The following ESRRG variants were observed in gnomAD, a reference collection of about 807,000 sequenced individuals.
ESRRG encodes estrogen-related receptor gamma.
ESRRG carries 13 observed loss-of-function variants against 44.0 expected under a neutral mutation model. That is an observed-to-expected ratio of 0.30 (90% confidence interval 0.19 to 0.47). The LOEUF is 0.47. ESRRG is among the 20% of genes least tolerant of loss of function. ESRRG has a pLI of 1.00. For missense variants in ESRRG, 395 were observed against 580.6 expected, an observed-to-expected ratio of 0.68 and a Z score of 3.29; for synonymous variants, 215 against 214.6, an observed-to-expected ratio of 1.00 and a Z score of -0.02.
In ESRRG at chr1:216,648,097, A is replaced by T. The variant is rs1293876790; in HGVS notation, c.589+2876T>A. Among the ~76,000 whole-genome samples, 3 of 152,182 alleles carry T rather than the reference A, an allele frequency of 2.0e-5. No homozygotes were observed. The East Asian group carries it at 5.8e-4, about 29-fold the overall frequency. On this transcript the variant is annotated intron_variant, in intron 3 of 6. Transcript: ENST00000408911. ...TACATCATGTTCTCTGACATACTTC[A>T]TGGGACTGAAATCCCTCTCCATCCA... is the stretch of plus-strand genomic sequence containing the variant.
intron 1 of ESRRG, chr1:216,707,537 T>C: frequency 6.7e-7 from 1 of 1,497,628 alleles, no homozygotes; most frequent in Admixed American, 2.1e-5. Flanking sequence ...TTTGCTGAAG[T>C]TTTATGTAAA....
chr1:216,995,354 C>A (rs551776809), intron 1 of ESRRG, among the ~76,000 whole-genome samples: 1 of 152,198 alleles, frequency 6.6e-6, no homozygotes, highest in South Asian at 2.1e-4. Flanking sequence ...CATGATACTA[C>A]CAGAGTGTCT....
intron 2 of ESRRG, among the ~76,000 whole-genome samples, chr1:216,791,577 C>T (rs1576593792): frequency 6.6e-6 from 1 of 152,162 alleles, no homozygotes. Context: ...CAGACACATG[C>T]CCTTCATCAT....
upstream of ESRRG, among the ~76,000 whole-genome samples, chr1:216,724,072 G>A (rs1408087767): frequency 6.6e-6 from 1 of 152,150 alleles, no homozygotes; most frequent in Non-Finnish European, 1.5e-5. Context: ...GTTTGAGCAT[G>A]TGAACTGGGA....
intron 3 of ESRRG, among the ~76,000 whole-genome samples, chr1:216,585,053 CT>C (rs2063507148): frequency 2.0e-5 from 3 of 152,156 alleles, no homozygotes; most frequent in Non-Finnish European, 4.4e-5. Context: ...GTTCATTCAT[CT>C]ATCAATACGT....
At chr1:216,791,235 G>C (rs900526816) in intron 2 of ESRRG, among the ~76,000 whole-genome samples, 1 of 152,030 alleles carries the variant, frequency 6.6e-6, no homozygotes, top group Non-Finnish European at 1.5e-5. Flanking sequence ...CTGTCTTCAC[G>C]ACAGTGAGTG....
intron 1 of ESRRG, among the ~76,000 whole-genome samples, chr1:217,085,470 CTT>C (rs2092020001): frequency 4.2e-5 from 4 of 95,530 alleles, no homozygotes; most frequent in African/African-American, 1.7e-4. Context: ...CTTTCTTTTT[CTT>C]TTCTTTTCAT....
At chr1:216,565,393 T>C (rs911163683) in intron 4 of ESRRG, among the ~76,000 whole-genome samples, 5 of 152,328 alleles carry the variant, frequency 3.3e-5, no homozygotes, top group East Asian at 3.9e-4. Flanking sequence ...ATGTTCTATG[T>C]ACTATTACTG....
At chr1:216,570,536 C>T (rs1349974049) in intron 3 of ESRRG, among the ~76,000 whole-genome samples, 1 of 152,004 alleles carries the variant, frequency 6.6e-6, no homozygotes, top group African/African-American at 2.4e-5. Context: ...TTGAAGGTGA[C>T]CACATTTTTT....
chr1:216,929,110 C>T (rs1287623209), intron 2 of ESRRG, among the ~76,000 whole-genome samples: 2 of 151,950 alleles, frequency 1.3e-5, no homozygotes, highest in African/African-American at 4.8e-5. Context: ...TTTCTCACCA[C>T]AGTTAAAAAA....
intron 1 of ESRRG, among the ~76,000 whole-genome samples, chr1:217,058,913 A>G (rs916673576): frequency 5.6e-4 from 83 of 149,036 alleles, no homozygotes; most frequent in African/African-American, 1.9e-3. Context: ...AGAATAAACT[A>G]TATAAAATAT....
chr1:216,613,692 C>T (rs1029913510), intron 3 of ESRRG, among the ~76,000 whole-genome samples: 9 of 152,178 alleles, frequency 5.9e-5, no homozygotes, highest in African/African-American at 2.2e-4. Flanking sequence ...TAGAAAACTT[C>T]AGGTTACATT....
In ESRRG at chr1:216,852,352, A is replaced by G. The variant is rs537694874; in HGVS notation, c.-14+87230T>C. The stretch of plus-strand genomic sequence containing the variant: ...TGAACACAACCAAGGTGAGCAGGAC[A>G]TTGTATAGGAAATTCTTTGGAGAAG... On this transcript the variant is annotated intron_variant, in intron 2 of 7. Coordinates refer to the ESRRG transcript ENST00000359162. Among the ~76,000 whole-genome samples, 18 of 152,310 alleles carry G rather than the reference A, an allele frequency of 1.2e-4. No individual in the cohort carries two copies. In the South Asian group the frequency reaches 3.7e-3, roughly 32 times the overall value.
At chr1:217,137,066 G>A (rs1580671200) in intron 1 of ESRRG, among the ~76,000 whole-genome samples, 1 of 150,586 alleles carries the variant, frequency 6.6e-6, no homozygotes, top group South Asian at 2.1e-4. Context: ...ACTAGTAGCT[G>A]GGGGGGAGGG....
intron 2 of ESRRG, among the ~76,000 whole-genome samples, chr1:216,776,532 C>A (rs571057436): frequency 1.3e-4 from 20 of 152,096 alleles, no homozygotes; most frequent in South Asian, 1.2e-3. Context: ...GTCTTATTCG[C>A]CATTGTGTCC....
At chr1:216,829,289 G>C (rs75856659) in intron 2 of ESRRG, among the ~76,000 whole-genome samples, 3,018 of 152,156 alleles carry the variant, frequency 0.02, 95 homozygotes, top group East Asian at 0.12. Context: ...GAGGACAAGA[G>C]GGGTGAGGCA....
At chr1:216,577,777 TAAAA>T in intron 3 of ESRRG, among the ~76,000 whole-genome samples, 1 of 151,474 alleles carries the variant, frequency 6.6e-6, no homozygotes, top group African/African-American at 2.4e-5. Flanking sequence ...TAGATTTTTT[TAAAA>T]AAAAAGGAAA....
chr1:216,939,370 A>AAAAAAAAAAAAAAAAAAAAAAC (rs2064814392), intron 2 of ESRRG, among the ~76,000 whole-genome samples: 1 of 133,964 alleles, frequency 7.5e-6, no homozygotes, highest in African/African-American at 2.8e-5. Flanking sequence ...AAAAAAAAAA[A>AAAAAAAAAAAAAAAAAAAAAAC]CACTTTAAAG....
chr1:216,748,162 T>C (rs2091622031), intron 2 of ESRRG, among the ~76,000 whole-genome samples: 1 of 152,156 alleles, frequency 6.6e-6, no homozygotes, highest in Admixed American at 6.6e-5. Context: ...AGCAGTGGAC[T>C]CTCAATTCAC....
Sources: allele counts gnomAD v4.1 joint callset (sites outside exome capture counted in the v4.1 genomes callset), GRCh38; gene constraint gnomAD v4.1.1; transcripts MANE v1.5; gene names NCBI Gene and HGNC (gene_info 2026-07-23, HGNC 2026-07-21).